Variants in CEP170B observed in about 807,000 individuals in gnomAD.
CEP170B encodes the protein centrosomal protein of 170 kDa protein B.
Under a neutral mutation model 120.6 loss-of-function variants are expected in CEP170B, and 55 were observed. That is an observed-to-expected ratio of 0.46 (90% confidence interval 0.37 to 0.57). CEP170B has a LOEUF of 0.57. Among genes scored for constraint, CEP170B ranks in the 20% least tolerant of loss-of-function variants. The pLI, the probability that CEP170B is intolerant of heterozygous loss-of-function variation, is 0.00. For missense variants in CEP170B, 2,212 were observed against 2,253.3 expected, an observed-to-expected ratio of 0.98 and a Z score of 0.37; for synonymous variants, 1,033 against 954.5, an observed-to-expected ratio of 1.08 and a Z score of -1.52.
chr14:104,868,276 G>T lies in CEP170B; in HGVS notation c.-27-148G>T, dbSNP rs1159805143. 1.5e-5 allele frequency: 9 copies of T among 608,292 alleles called. No individual in the cohort carries two copies. In the East Asian group the frequency reaches 2.0e-4, roughly 13 times the overall value. 37.7% of individuals were successfully genotyped at this position (608,292 alleles called of 1,614,324 possible). A position where few individuals can be genotyped will look rare whatever the true frequency, so the allele number is the denominator to read the frequency against. Reference sequence around the variant, plus strand: ...GGACTCGGGACCATACCCAGGGAGGGCGGGTGGCCTGATGAGGCTGGAGCC... The same window carrying T: ...GGACTCGGGACCATACCCAGGGAGGTCGGGTGGCCTGATGAGGCTGGAGCC... On this transcript the variant is annotated intron_variant, in intron 1 of 18. Coordinates refer to ENST00000414716, the MANE Select transcript of CEP170B (RefSeq NM_001112726.3). This position sits in a 1 kb window ranked among gnomAD's most constrained non-coding sequence, Gnocchi z 5.9.
chr14:104,886,107 G>T lies in CEP170B; in HGVS notation c.2012G>T (p.Ser671Ile). 6.5e-7 allele frequency: 1 copy of T among 1,545,474 alleles called. No homozygotes were observed. The highest frequency in any genetic ancestry group is 2.4e-5 in the East Asian group (1 of 40,962). ...TCCCGCTGGGCCAGCCTGGCTGACA[G>T]CTACTCAGACCCGGGCCTCACAGGT... ...WVSRWASLADSYSDPGLTEDG... is the reference protein window; with the variant it reads ...WVSRWASLADIYSDPGLTEDG... The change falls in exon 11 of 19, where the codon AGC (serine) becomes ATC (isoleucine). Residue 671 changes from serine to isoleucine, a missense_variant. Physicochemically the swap from Ser to Ile is moderately radical, Grantham distance 142. Transcript: ENST00000414716.
At position 104,896,359 on chromosome 14, in the gene CEP170B, T is replaced by C. The variant is rs1426537957; in HGVS notation, c.*1401T>C. ...GGCGGGGGTGGCAGGTGTCCCCCCC[T>C]GGTCCCCGCCCCAAGAGCCTGCTGT... On this transcript the variant is annotated 3_prime_UTR_variant, in exon 19 of 19. Transcript: ENST00000414716. 2 of 339,942 alleles carry C rather than the reference T, an allele frequency of 5.9e-6. No individual in the cohort carries two copies. Among genetic ancestry groups the C allele is most frequent in the Non-Finnish European group, 1.2e-5 (2 of 170,580 alleles). The allele number at this position is 339,942 out of a possible 1,614,324, so 21.1% of individuals were successfully genotyped here.
chr14:104,894,700 C>T lies in CEP170B; in HGVS notation c.4418-11C>T. The T allele has an allele frequency of 6.4e-7, 1 of 1,573,316 alleles. No homozygotes were observed. The highest frequency in any genetic ancestry group is 1.2e-5 in the South Asian group (1 of 86,390). The stretch of plus-strand genomic sequence containing the variant: ...TGGATCCGCAGCCTGACCCTCCCTC[C>T]CCACCTCCAGTTATCAATGCCATCG... On this transcript the variant is annotated splice_polypyrimidine_tract_variant and intron_variant, in intron 18 of 18. Transcript: ENST00000414716.
At chr14:104,890,100 G>A in intron 13 of CEP170B, among the ~76,000 whole-genome samples, 1 of 98,880 alleles carries the variant, frequency 1.0e-5, no homozygotes, top group African/African-American at 4.3e-5. Flanking sequence ...GTGGGTAGGT[G>A]GGTGGGTGGG....
chr14:104,885,692 G>T (rs1441676707), intron 10 of CEP170B, 150 bp downstream of exon 10: 4 of 1,153,536 alleles, frequency 3.5e-6, no homozygotes, highest in Non-Finnish European at 4.7e-6. Flanking sequence ...GGGCTTCCAT[G>T]AGGAGGGATC....
intron 2 of CEP170B, among the ~76,000 whole-genome samples, chr14:104,872,936 A>G (rs1316808006): frequency 1.3e-5 from 2 of 152,226 alleles, no homozygotes; most frequent in Non-Finnish European, 2.9e-5. Context: ...CGGCCATGCC[A>G]CACATCTGTG....
At chr14:104,877,373 A>G (rs1895908745) in intron 3 of CEP170B, among the ~76,000 whole-genome samples, 1 of 152,120 alleles carries the variant, frequency 6.6e-6, no homozygotes, top group Admixed American at 6.5e-5. Context: ...GAGGCCTGTG[A>G]TGCCCACAGA....
At position 104,884,865 on chromosome 14, in the gene CEP170B, G is replaced by A. The variant is rs1350655983; in HGVS notation, c.1770+316G>A. On this transcript the variant is annotated intron_variant, in intron 9 of 18. Coordinates refer to ENST00000414716, the MANE Select transcript of CEP170B (RefSeq NM_001112726.3). ...GGAACGGGGGGGTGGAGGTGATGCCGGGGGTGGCGAGTGAGAGCCCTCGTG... is the reference window on the plus strand; with the variant it reads ...GGAACGGGGGGGTGGAGGTGATGCCAGGGGTGGCGAGTGAGAGCCCTCGTG... Among the ~76,000 whole-genome samples the A allele has an allele frequency of 7.0e-4, 6 of 8,588 alleles. 1 individual carries two copies. The East Asian group carries it at 9.8e-3, about 14-fold the overall frequency. 5.6% of individuals were successfully genotyped at this position (8,588 alleles called of 152,430 possible).
upstream of CEP170B, among the ~76,000 whole-genome samples, chr14:104,865,011 G>C (rs1184454312): frequency 1.4e-5 from 2 of 147,310 alleles, no homozygotes; most frequent in Admixed American, 1.3e-4. This position sits in a 1 kb window ranked among gnomAD's most constrained non-coding sequence, Gnocchi z 6.7. Context: ...CCGGGTGCGA[G>C]ATGAGCCGGG....
At position 104,887,157 on chromosome 14, in the gene CEP170B, C is replaced by T. The variant is rs761770516; in HGVS notation, c.2918C>T (p.Pro973Leu). 6.2e-7 allele frequency: 1 copy of T among 1,608,822 alleles called. No individual in the cohort carries two copies. Among genetic ancestry groups the T allele is most frequent in the East Asian group, 2.2e-5 (1 of 44,870 alleles). ...SLRSGKSGPS[P>L]TTPQPLRAQK... ...CGTAGTGGCAAGAGCGGGCCCAGCC[C>T]CACAACCCCCCAGCCTCTGCGGGCA... is the stretch of plus-strand genomic sequence containing the variant. The change falls in exon 12 of 19, where the codon CCC becomes CTC. Residue 973 changes from proline (P) to leucine (L), a missense_variant. This residue lies in a region of CEP170B where 2,166 missense variants were observed against 2,166.7 expected (regional missense o/e 1.00). Coordinates refer to ENST00000414716, the MANE Select transcript of CEP170B (RefSeq NM_001112726.3).
rs1217266479 is a variant in CEP170B, at chr14:104,890,602, GTGGA to G, written c.3878+853_3878+856del. Among the ~76,000 whole-genome samples, 595 of 119,854 alleles carry G rather than the reference GTGGA, an allele frequency of 5.0e-3. 7 individuals are homozygous for G. The highest frequency in any genetic ancestry group is 0.011 in the South Asian group (34 of 3,182). The allele number at this position is 119,854 out of a possible 152,430, so 78.6% of individuals were successfully genotyped here. A position where few individuals can be genotyped will look rare whatever the true frequency, so the allele number is the denominator to read the frequency against. The stretch of plus-strand genomic sequence containing the variant: ...GATGGATGGATGGGTGAGTGAGTGG[GTGGA>G]TGGATGGAAGGATGGATGAGTGGGT... On this transcript the variant is annotated intron_variant, in intron 13 of 18. Transcript: ENST00000414716.
chr14:104,870,765 C>T lies in CEP170B; in HGVS notation c.105+2210C>T, dbSNP rs1408672382. Among the ~76,000 whole-genome samples, 3 of 152,016 alleles carry T rather than the reference C, an allele frequency of 2.0e-5. No individual in the cohort carries two copies. The highest frequency in any genetic ancestry group is 4.4e-5 in the Non-Finnish European group (3 of 67,986). Reference sequence around the variant, plus strand: ...CTTCCCAGCTCTCCTCAGTGGCCGCCCCTGGCCTGGGTGGGCCTGCATTTC... The same window carrying T: ...CTTCCCAGCTCTCCTCAGTGGCCGCTCCTGGCCTGGGTGGGCCTGCATTTC... On this transcript the variant is annotated intron_variant, in intron 2 of 18. Transcript: ENST00000414716. The surrounding 1 kb of genome is among the most constrained non-coding windows in gnomAD (Gnocchi z 4.1).
intron 13 of CEP170B, among the ~76,000 whole-genome samples, chr14:104,890,277 GATGA>G (rs1896752061): frequency 7.3e-6 from 1 of 136,666 alleles, no homozygotes; most frequent in African/African-American, 2.7e-5. Context: ...TGGATGAATG[GATGA>G]GTGAGTGGGT....
Position 104,876,334 on chromosome 14 carries a change from A to G in CEP170B, c.184A>G (p.Ser62Gly). The change falls in exon 3 of 19, where the codon AGC becomes GGC. Residue 62 changes from serine to glycine, a missense_variant. Physicochemically the swap from Ser to Gly is moderately conservative, Grantham distance 56. Coordinates refer to ENST00000414716, the MANE Select transcript of CEP170B (RefSeq NM_001112726.3). Reference protein sequence around the residue: ...RDEHWVKDLGSLNGTFVNDMR... With the variant: ...RDEHWVKDLGGLNGTFVNDMR... ...CGAGCACTGGGTGAAGGACCTGGGC[A>G]GCCTCAATGGGGTAAGTGTGAGAGG... 1 of 1,550,882 alleles carries G rather than the reference A, an allele frequency of 6.4e-7. No homozygotes were observed.
rs956956382 is a variant in CEP170B, at chr14:104,867,968, A to C, written c.-27-456A>C. Among the ~76,000 whole-genome samples, 2 of 151,658 alleles carry C rather than the reference A, an allele frequency of 1.3e-5. No individual in the cohort carries two copies. Among genetic ancestry groups the C allele is most frequent in the Non-Finnish European group, 2.9e-5 (2 of 67,888 alleles). ...CTGGGGGGAGTGGGTCCTCTTGTTC[A>C]GTGTATGTCTTGGGGTGGGTCTGGT... On this transcript the variant is annotated intron_variant, in intron 1 of 18. Coordinates refer to ENST00000414716, the MANE Select transcript of CEP170B (RefSeq NM_001112726.3). This position sits in a 1 kb window ranked among gnomAD's most constrained non-coding sequence, Gnocchi z 5.4.
At chr14:104,874,757 T>G (rs1322757425) in intron 2 of CEP170B, among the ~76,000 whole-genome samples, 1 of 129,350 alleles carries the variant, frequency 7.7e-6, no homozygotes, top group Non-Finnish European at 1.6e-5. Flanking sequence ...CCACCCCCGG[T>G]CCTCCTCTGC....
chr14:104,864,826 G>C (rs1383498224), upstream of CEP170B, among the ~76,000 whole-genome samples: 1 of 152,182 alleles, frequency 6.6e-6, no homozygotes, highest in African/African-American at 2.4e-5. This position sits in a 1 kb window ranked among gnomAD's most constrained non-coding sequence, Gnocchi z 5.9. Context: ...CAAAGGTTGG[G>C]GACTCGAGGC....
rs571181740 is a variant in CEP170B, at chr14:104,887,557, G to T, written c.3318G>T (p.Pro1106=). The change falls in exon 12 of 19, where the codon CCG becomes CCT. Residue 1106 remains proline (P), a synonymous_variant. Transcript: ENST00000414716. Reference sequence around the variant, plus strand: ...GCTCAGCCAGCTCCCAGAAGGGGCCGCAGGCCTTGACCCGCTCCAACAGCC... The same window carrying T: ...GCTCAGCCAGCTCCCAGAAGGGGCCTCAGGCCTTGACCCGCTCCAACAGCC... ...SRSSASSQKG[P]QALTRSNSLS... The T allele has an allele frequency of 2.5e-6, 4 of 1,604,680 alleles. No homozygotes were observed. Among genetic ancestry groups the T allele is most frequent in the Admixed American group, 1.7e-5 (1 of 59,172 alleles).
intron 6 of CEP170B, among the ~76,000 whole-genome samples, chr14:104,881,049 G>C (rs932998380): frequency 1.3e-5 from 2 of 152,218 alleles, no homozygotes; most frequent in Admixed American, 1.3e-4. Flanking sequence ...CAGGTGATGG[G>C]GGGGTGAGGC....
Sources: gnomAD v4.1 joint callset for allele counts (sites outside exome capture counted in the v4.1 genomes callset) on GRCh38, gnomAD v4.1.1 for gene constraint, gnomAD v4.1.1 regional missense constraint, Gnocchi (gnomAD v3.1) non-coding constraint, MANE v1.5 for transcripts, NCBI Gene and HGNC (gene_info 2026-07-23, HGNC 2026-07-21) for gene names.